The following SOX6 variants were observed in gnomAD, a reference collection of about 807,000 sequenced individuals.
SOX6 encodes the protein SRY-box transcription factor 6.
Under a neutral mutation model 97.8 loss-of-function variants are expected in SOX6, and 11 were observed. That is an observed-to-expected ratio of 0.11 (90% CI 0.07 to 0.19). The LOEUF is 0.19. Ranked by LOEUF, SOX6 falls within the 10% of genes least tolerant of loss-of-function variation. SOX6 has a pLI of 1.00. For missense variants in SOX6, 810 were observed against 1,039.5 expected, an observed-to-expected ratio of 0.78 and a Z score of 3.04; for synonymous variants, 360 against 371.4, an observed-to-expected ratio of 0.97 and a Z score of 0.35.
At chr11:16,315,607 T>C (rs1346404525) in intron 3 of SOX6, 1 of 152,152 alleles carries the variant, frequency 6.6e-6, no homozygotes, top group African/African-American at 2.4e-5. Flanking sequence ...GTTACTATCT[T>C]CCAAGGGAGA....
At chr11:16,195,274 T>C (rs1256095086) in intron 4 of SOX6, among the ~76,000 whole-genome samples, 2 of 152,210 alleles carry the variant, frequency 1.3e-5, no homozygotes, top group Non-Finnish European at 1.5e-5. Flanking sequence ...GACCAAGTCA[T>C]AGAGCATTTA....
At chr11:16,149,034 A>T (rs1017901973) in intron 6 of SOX6, among the ~76,000 whole-genome samples, 2 of 152,100 alleles carry the variant, frequency 1.3e-5, no homozygotes, top group African/African-American at 4.8e-5. Context: ...TTTGTTGGTT[A>T]AAGTTTGTCA....
At chr11:16,389,969 TAAAAAAA>T (rs536056301) in intron 1 of SOX6, among the ~76,000 whole-genome samples, 779 of 41,874 alleles carry the variant, frequency 0.019, 42 homozygotes, top group East Asian at 0.15. Context: ...GACTCCGTCT[TAAAAAAA>T]AAAAAAAAAA....
chr11:16,458,747 A>G (rs1859861255), intron 1 of SOX6, among the ~76,000 whole-genome samples: 1 of 152,080 alleles, frequency 6.6e-6, no homozygotes, highest in African/African-American at 2.4e-5. Context: ...ACTGGGCAAA[A>G]TACATGAAAA....
chr11:16,722,259 T>G (rs1848272889), intron 2 of SOX6, among the ~76,000 whole-genome samples: 1 of 152,206 alleles, frequency 6.6e-6, no homozygotes, highest in Non-Finnish European at 1.5e-5. Flanking sequence ...AGAAAGTATT[T>G]GCAAACTATG....
chr11:16,309,672 A>G (rs938278919), intron 3 of SOX6, among the ~76,000 whole-genome samples: 2 of 152,176 alleles, frequency 1.3e-5, no homozygotes, highest in Admixed American at 6.6e-5. Context: ...TAATATACAT[A>G]TCAAATATTA....
chr11:16,678,075 C>T (rs1847898059), intron 3 of SOX6, among the ~76,000 whole-genome samples: 1 of 152,132 alleles, frequency 6.6e-6, no homozygotes, highest in Non-Finnish European at 1.5e-5. Context: ...TGTTTATCAA[C>T]ATTATCAATA....
At chr11:16,103,901 G>C (rs930695228) in intron 7 of SOX6, among the ~76,000 whole-genome samples, 5 of 151,802 alleles carry the variant, frequency 3.3e-5, no homozygotes, top group African/African-American at 1.2e-4. Context: ...AGGTATAAAA[G>C]ACTACATATT....
rs563042062 is a variant in SOX6 at position 16,430,276 on chromosome 11, G to A, written c.-5+46039C>T. The stretch of plus-strand genomic sequence containing the variant: ...TCCTCAGGGAAGACTTACCTAACTA[G>A]GTCAATTCTTATTATATTTGTTTAG... On this transcript the variant is annotated intron_variant, in intron 1 of 15. Transcript: ENST00000396356. Among the ~76,000 whole-genome samples the A allele has an allele frequency of 2.0e-5, 3 of 151,934 alleles. No individual in the cohort carries two copies. The South Asian group carries it at 6.2e-4, about 32-fold the overall frequency.
chr11:16,175,693 A>G (rs1851164647), intron 6 of SOX6, among the ~76,000 whole-genome samples: 1 of 151,880 alleles, frequency 6.6e-6, no homozygotes, highest in African/African-American at 2.4e-5. Flanking sequence ...AAATGGGTTG[A>G]TGTTTGTGTT....
intron 3 of SOX6, among the ~76,000 whole-genome samples, chr11:16,242,746 C>G (rs972227541): frequency 6.6e-6 from 1 of 151,552 alleles, no homozygotes; most frequent in Admixed American, 6.6e-5. Context: ...TAGTTAATGC[C>G]ATAATATTAA....
chr11:16,588,340 AC>A (rs1848117219), intron 4 of SOX6, among the ~76,000 whole-genome samples: 1 of 152,158 alleles, frequency 6.6e-6, no homozygotes, highest in East Asian at 1.9e-4. Context: ...AGCCAAAGTC[AC>A]CCAAAGTTTA....
intron 3 of SOX6, among the ~76,000 whole-genome samples, chr11:16,617,854 G>A (rs528954897): frequency 6.6e-6 from 1 of 151,798 alleles, no homozygotes; most frequent in Non-Finnish European, 1.5e-5. Flanking sequence ...CCATACTCTT[G>A]TTATTTAGGT....
At chr11:16,683,658 T>C (rs1365512827) in intron 3 of SOX6, among the ~76,000 whole-genome samples, 1 of 152,132 alleles carries the variant, frequency 6.6e-6, no homozygotes, top group Non-Finnish European at 1.5e-5. Flanking sequence ...GCAATACCAT[T>C]CAGGACATAG....
chr11:16,106,426 A>G (rs1183988250), intron 7 of SOX6, among the ~76,000 whole-genome samples: 1 of 151,974 alleles, frequency 6.6e-6, no homozygotes, highest in Non-Finnish European at 1.5e-5. Context: ...CAAAATTAAA[A>G]CCTTTACATA....
intron 3 of SOX6, among the ~76,000 whole-genome samples, chr11:16,659,380 A>G (rs2134018205): frequency 6.6e-6 from 1 of 152,272 alleles, no homozygotes; most frequent in Non-Finnish European, 1.5e-5. Context: ...TTAGCTCTCT[A>G]TCCTGTTTCA....
At chr11:16,344,339 A>T (rs1377319661) in intron 1 of SOX6, among the ~76,000 whole-genome samples, 3 of 151,826 alleles carry the variant, frequency 2.0e-5, no homozygotes, top group African/African-American at 7.2e-5. Context: ...TAAACTTTAG[A>T]TTTGCTGATT....
At chr11:16,083,430 C>A (rs1224916985) in intron 9 of SOX6, among the ~76,000 whole-genome samples, 1 of 152,108 alleles carries the variant, frequency 6.6e-6, no homozygotes, top group Admixed American at 6.6e-5. Context: ...ACTTTTAATG[C>A]CTTACTTTGT....
intron 4 of SOX6, among the ~76,000 whole-genome samples, chr11:16,223,442 C>A (rs971043578): frequency 6.6e-6 from 1 of 152,094 alleles, no homozygotes; most frequent in African/African-American, 2.4e-5. Flanking sequence ...AAACACATTT[C>A]ACTCTCAGAT....
Sources: gnomAD v4.1 joint callset for allele counts (sites outside exome capture counted in the v4.1 genomes callset) on GRCh38, gnomAD v4.1.1 for gene constraint, MANE v1.5 for transcripts, NCBI Gene and HGNC (gene_info 2026-07-23, HGNC 2026-07-21) for gene names.